The following SYNPO variants were observed in gnomAD, a reference collection of about 807,000 sequenced individuals.
SYNPO encodes synaptopodin.
A neutral mutation model predicts 49.5 loss-of-function variants in SYNPO; 19 were observed. The ratio of observed to expected loss-of-function variants is 0.38; its 90% CI spans 0.27 to 0.56. The LOEUF (loss-of-function observed/expected upper bound fraction) is 0.56, where lower values mean the gene tolerates loss of function less well. SYNPO is among the 20% of genes least tolerant of loss of function. SYNPO has a pLI of 0.68. For missense variants in SYNPO, 1,131 were observed against 1,248.3 expected (o/e 0.91, Z 1.42); for synonymous variants, 536 against 548.0 (o/e 0.98, Z 0.31).
chr5:150,629,526 C>A (rs979637119), intron 2 of SYNPO, among the ~76,000 whole-genome samples: 1 of 152,072 alleles, frequency 6.6e-6, no homozygotes, highest in Admixed American at 6.5e-5. Flanking sequence ...TGGCTTGTCA[C>A]CAAGAACATG....
At chr5:150,636,800 G>C (rs1025785886), upstream of SYNPO, among the ~76,000 whole-genome samples, 4 of 151,894 alleles carry the variant, frequency 2.6e-5, no homozygotes, top group African/African-American at 9.7e-5. Flanking sequence ...AACGCGGGGT[G>C]GGGGGTGTTG....
intron 2 of SYNPO, among the ~76,000 whole-genome samples, chr5:150,655,885 A>T (rs1052036462): frequency 2.6e-5 from 4 of 152,230 alleles, no homozygotes; most frequent in Non-Finnish European, 5.9e-5. Flanking sequence ...TCCTGACCTC[A>T]GGTGATCCAC....
Position 150,648,973 on chromosome 5 carries a change from C to A in SYNPO, c.698C>A (p.Pro233Gln). The A allele has an allele frequency of 6.2e-7, 1 of 1,614,258 alleles. No individual in the cohort carries two copies. Among genetic ancestry groups the A allele is most frequent in the Non-Finnish European group, 8.5e-7 (1 of 1,180,046 alleles). Reference sequence around the variant, plus strand: ...GTCCACTTCACACTGGCCAAGCCCCCATCAGTGGTCAACAGGACGGCCAGG... The same window carrying A: ...GTCCACTTCACACTGGCCAAGCCCCAATCAGTGGTCAACAGGACGGCCAGG... ...SEVHFTLAKPPSVVNRTARPF... is the reference protein window; with the variant it reads ...SEVHFTLAKPQSVVNRTARPF... Residue 233 changes from proline to glutamine, a missense_variant, in exon 2 of 3, where the codon CCA becomes CAA. Coordinates refer to ENST00000307662, the MANE Select transcript of SYNPO (RefSeq NM_007286.6). The surrounding 1 kb of genome is among the most constrained non-coding windows in gnomAD (Gnocchi z 5.0).
exon 2 of SYNPO, chr5:150,618,504 T>C (rs1396025690): frequency 6.4e-7 from 1 of 1,551,342 alleles, no homozygotes; most frequent in East Asian, 2.4e-5. Context: ...GAGGAGGGCC[T>C]GCAGGGAGAG....
At chr5:150,633,395 T>TTAGG (rs1561645718) in intron 2 of SYNPO, among the ~76,000 whole-genome samples, 2 of 152,184 alleles carry the variant, frequency 1.3e-5, no homozygotes, top group Non-Finnish European at 2.9e-5. Context: ...CAGATGGTAG[T>TTAGG]GTGTAGCGTT....
At chr5:150,611,215 C>G (rs1201429704) in intron 1 of SYNPO, among the ~76,000 whole-genome samples, 1 of 152,194 alleles carries the variant, frequency 6.6e-6, no homozygotes, top group Non-Finnish European at 1.5e-5. Flanking sequence ...TCTGTCCACC[C>G]CAGCTAACAT....
intron 1 of SYNPO, among the ~76,000 whole-genome samples, chr5:150,611,554 C>G (rs1444324808): frequency 1.3e-5 from 2 of 152,210 alleles, no homozygotes; most frequent in Non-Finnish European, 2.9e-5. Flanking sequence ...GGGCTCCCCC[C>G]AGCTCCACCT....
At chr5:150,639,026 G>C (rs1257789453), upstream of SYNPO, among the ~76,000 whole-genome samples, 1 of 152,192 alleles carries the variant, frequency 6.6e-6, no homozygotes, top group Non-Finnish European at 1.5e-5. Flanking sequence ...CTGGGGCTCA[G>C]CTTGCCTCTC....
upstream of SYNPO, among the ~76,000 whole-genome samples, chr5:150,636,370 T>C (rs1026521055): frequency 5.9e-5 from 9 of 152,212 alleles, no homozygotes; most frequent in Non-Finnish European, 1.0e-4. Context: ...TCCTTTTTGC[T>C]TCCATTAGTG....
the SYNPO span, among the ~76,000 whole-genome samples, chr5:150,593,200 G>A: frequency 2.0e-5 from 3 of 152,248 alleles, no homozygotes; most frequent in South Asian, 4.1e-4. Context: ...ATGCCTGGAG[G>A]CCCTGACTTG....
upstream of SYNPO, among the ~76,000 whole-genome samples, chr5:150,600,474 C>T (rs538859788): frequency 3.3e-5 from 5 of 152,358 alleles, no homozygotes; most frequent in African/African-American, 7.2e-5. Flanking sequence ...GGCCCAAATC[C>T]GGATTTGCTG....
At chr5:150,632,038 G>A (rs535429755) in intron 2 of SYNPO, among the ~76,000 whole-genome samples, 2 of 152,252 alleles carry the variant, frequency 1.3e-5, no homozygotes, top group South Asian at 4.1e-4. Context: ...CCAACCCCCA[G>A]CCAACCCTGG....
chr5:150,621,393 TG>T (rs1757168794), intron 2 of SYNPO, among the ~76,000 whole-genome samples: 1 of 152,148 alleles, frequency 6.6e-6, no homozygotes, highest in Non-Finnish European at 1.5e-5. Context: ...GGAAGGAAGC[TG>T]GGTCTTGCAG....
At position 150,616,817 on chromosome 5, in the gene SYNPO, A is replaced by C. The variant is rs528155369; in HGVS notation, c.-265-1286A>C. On this transcript the variant is annotated intron_variant, in intron 1 of 2. Coordinates refer to the SYNPO transcript ENST00000394243. The stretch of plus-strand genomic sequence containing the variant: ...GCCCAGCCAGTTCTTCCACCCAAGT[A>C]TCTCTCCCATCTACCCCCTCCTCAC... 1.0e-3 allele frequency among the ~76,000 whole-genome samples: 158 copies of C among 152,146 alleles called. 1 individual carries two copies. Among genetic ancestry groups the C allele is most frequent in the African/African-American group, 3.5e-3 (144 of 41,512 alleles).
In SYNPO at chr5:150,648,053, C is replaced by T. The variant is rs370582944; in HGVS notation, c.-223C>T. 477 of 1,551,692 alleles carry T rather than the reference C, an allele frequency of 3.1e-4. No individual in the cohort carries two copies. Among genetic ancestry groups the T allele is most frequent in the Non-Finnish European group, 3.8e-4 (435 of 1,147,004 alleles). ...CCCCTCCCAGCTCCAATTCCCGTGGCGTCCAGCTCTTCAACAGGCGCCGGC... is the reference window on the plus strand; with the variant it reads ...CCCCTCCCAGCTCCAATTCCCGTGGTGTCCAGCTCTTCAACAGGCGCCGGC... On this transcript the variant is annotated 5_prime_UTR_variant, in exon 2 of 3. Coordinates refer to ENST00000307662, the MANE Select transcript of SYNPO (RefSeq NM_007286.6). This position sits in a 1 kb window ranked among gnomAD's most constrained non-coding sequence, Gnocchi z 5.0.
intron 2 of SYNPO, chr5:150,650,782 G>T (rs1366534826): frequency 1.5e-6 from 2 of 1,292,358 alleles, no homozygotes; most frequent in African/African-American, 3.1e-5. Flanking sequence ...AGCTGCCCCA[G>T]GGGGGCCTCC....
At chr5:150,602,020 GA>G (rs1756556846) in intron 1 of SYNPO, among the ~76,000 whole-genome samples, 1 of 152,214 alleles carries the variant, frequency 6.6e-6, no homozygotes, top group African/African-American at 2.4e-5. Context: ...CTGAGTGAGG[GA>G]CAGCTTCCTT....
intron 1 of SYNPO, among the ~76,000 whole-genome samples, chr5:150,645,392 T>C (rs144047016): frequency 0.014 from 2,119 of 152,350 alleles, 55 homozygotes; most frequent in African/African-American, 0.048. Context: ...CTGATGTTGC[T>C]GGTCACAGGC....
rs868078983 is a variant in SYNPO at position 150,656,669 on chromosome 5, C to T, written c.2294C>T (p.Ala765Val). The T allele has an allele frequency of 1.8e-5, 27 of 1,493,310 alleles. No homozygotes were observed. The highest frequency in any genetic ancestry group is 2.4e-5 in the Non-Finnish European group (27 of 1,129,044). 92.5% of individuals were successfully genotyped at this position (1,493,310 alleles called of 1,614,324 possible). A position where few individuals can be genotyped will look rare whatever the true frequency, so the allele number is the denominator to read the frequency against. Residue 765 changes from alanine (A) to valine (V), a missense_variant, in exon 3 of 3, where the codon GCC becomes GTC. Ala to Val is a moderately conservative substitution (Grantham distance 64). Around this residue, in one of 4 missense-constraint regions of SYNPO, gnomAD observed 509 missense variants for 484.5 expected, o/e 1.05. Coordinates refer to ENST00000307662, the MANE Select transcript of SYNPO (RefSeq NM_007286.6). ...ALLARNIINA[A>V]RRKSASPRSA... ...CTGGCGCGAAACATCATCAATGCGG[C>T]CCGGCGCAAGAGCGCCTCCCCGCGG...
Sources: allele counts gnomAD v4.1 joint callset (sites outside exome capture counted in the v4.1 genomes callset), GRCh38; gene constraint gnomAD v4.1.1; regional missense constraint gnomAD v4.1.1; non-coding constraint Gnocchi (gnomAD v3.1); transcripts MANE v1.5; gene names NCBI Gene and HGNC (gene_info 2026-07-23, HGNC 2026-07-21).